CLYBL: variants seen among roughly 807,000 people sequenced by gnomAD.
CLYBL encodes citramalyl-CoA lyase.
CLYBL carries 31 observed loss-of-function variants against 38.9 expected under a neutral mutation model. The observed-to-expected ratio is 0.80, with a 90% confidence interval of 0.60 to 1.08. The LOEUF is 1.08. Among genes scored for constraint, CLYBL ranks in the 50% least tolerant of loss-of-function variants. CLYBL has a pLI of 0.00. For synonymous variants in CLYBL, 171 were observed against 158.6 expected (o/e 1.08, Z -0.59); for missense variants, 434 against 411.6 (o/e 1.05, Z -0.47).
chr13:99,684,737 T>C (rs1384348077), intron 1 of CLYBL, among the ~76,000 whole-genome samples: 1 of 152,174 alleles, frequency 6.6e-6, no homozygotes, highest in Non-Finnish European at 1.5e-5. Flanking sequence ...CCCTGTGAAA[T>C]AATAACAAGA....
chr13:99,719,660 C>T (rs2048366795), intron 1 of CLYBL, among the ~76,000 whole-genome samples: 1 of 151,920 alleles, frequency 6.6e-6, no homozygotes, highest in Admixed American at 6.6e-5. Flanking sequence ...GTGCCCGCCA[C>T]CACACCCAGC....
At chr13:99,743,395 A>T (rs1205418329) in intron 1 of CLYBL, among the ~76,000 whole-genome samples, 3 of 152,192 alleles carry the variant, frequency 2.0e-5, no homozygotes, top group Non-Finnish European at 4.4e-5. Flanking sequence ...GCGTATAAAG[A>T]AATACAATTA....
chr13:99,673,734 C>T (rs1178191639), intron 1 of CLYBL, among the ~76,000 whole-genome samples: 1 of 152,090 alleles, frequency 6.6e-6, no homozygotes, highest in African/African-American at 2.4e-5. Flanking sequence ...GAATGAGGAG[C>T]CATTGCAGAG....
At chr13:99,676,411 A>T (rs1459540453) in intron 1 of CLYBL, among the ~76,000 whole-genome samples, 1 of 147,662 alleles carries the variant, frequency 6.8e-6, no homozygotes, top group African/African-American at 2.5e-5. Flanking sequence ...ATTTGTTCTC[A>T]TGTCTTAGCC....
At chr13:99,783,575 G>A (rs2049709034) in intron 2 of CLYBL, among the ~76,000 whole-genome samples, 3 of 151,876 alleles carry the variant, frequency 2.0e-5, no homozygotes, top group Admixed American at 1.3e-4. Context: ...TCCTGCCTCA[G>A]CCTCCAGAGT....
intron 2 of CLYBL, among the ~76,000 whole-genome samples, chr13:99,815,116 G>A (rs1479921813): frequency 6.6e-6 from 1 of 152,158 alleles, no homozygotes; most frequent in African/African-American, 2.4e-5. Context: ...TCTGCCTCTA[G>A]GGGAGGCACT....
At chr13:99,683,784 A>C (rs1000380094) in intron 1 of CLYBL, among the ~76,000 whole-genome samples, 1 of 130,320 alleles carries the variant, frequency 7.7e-6, no homozygotes, top group African/African-American at 3.2e-5. Flanking sequence ...AATGAAGATA[A>C]AATGTAAAGC....
intron 2 of CLYBL, among the ~76,000 whole-genome samples, chr13:99,838,930 C>T (rs185856427): frequency 1.1e-4 from 17 of 152,326 alleles, no homozygotes; most frequent in South Asian, 2.1e-4. Flanking sequence ...TGAACCACGG[C>T]GCCTGGCCTA....
intron 2 of CLYBL, among the ~76,000 whole-genome samples, chr13:99,838,131 TAA>T (rs1157061446): frequency 6.6e-6 from 1 of 152,302 alleles, no homozygotes; most frequent in Non-Finnish European, 1.5e-5. Flanking sequence ...AGGTAAATAT[TAA>T]GTTTCAGCTA....
intron 1 of CLYBL, among the ~76,000 whole-genome samples, chr13:99,689,272 G>A (rs1044757122): frequency 2.0e-5 from 3 of 152,216 alleles, no homozygotes; most frequent in African/African-American, 7.2e-5. Context: ...AGAATGGAGA[G>A]GCATCACGCT....
chr13:99,758,262 G>A (rs1298573397), intron 1 of CLYBL, among the ~76,000 whole-genome samples: 1 of 152,160 alleles, frequency 6.6e-6, no homozygotes, highest in Non-Finnish European at 1.5e-5. Flanking sequence ...GTTAATTAAT[G>A]GCATCAGGTG....
At chr13:99,864,774 G>T in intron 4 of CLYBL, 44 bp from the exon 5 acceptor site, 4 of 1,336,274 alleles carry the variant, frequency 3.0e-6, no homozygotes, top group Non-Finnish European at 4.3e-6. Context: ...TCCCTCTGAC[G>T]CACGCGTTTC....
At chr13:99,634,445 G>C (rs1375846206) in intron 1 of CLYBL, among the ~76,000 whole-genome samples, 1 of 152,090 alleles carries the variant, frequency 6.6e-6, no homozygotes, top group Non-Finnish European at 1.5e-5. Context: ...TAATCAGATA[G>C]ATCCATCTGT....
chr13:99,748,517 G>A (rs2048897659), intron 1 of CLYBL, among the ~76,000 whole-genome samples: 1 of 122,940 alleles, frequency 8.1e-6, no homozygotes, highest in Non-Finnish European at 1.6e-5. Context: ...TCGGCTCACT[G>A]CAACCTCCGC....
chr13:99,750,824 G>A (rs906747650), intron 1 of CLYBL, among the ~76,000 whole-genome samples: 3 of 141,804 alleles, frequency 2.1e-5, no homozygotes, highest in East Asian at 1.9e-4. Context: ...ATATATAAAA[G>A]ATATATCTTT....
At chr13:99,613,517 C>T (rs929751221) in intron 1 of CLYBL, among the ~76,000 whole-genome samples, 5 of 152,020 alleles carry the variant, frequency 3.3e-5, no homozygotes, top group African/African-American at 1.2e-4. Flanking sequence ...CCGTGACAAC[C>T]ACTACTGTCC....
chr13:99,612,675 G>T (rs1192375113), intron 1 of CLYBL, among the ~76,000 whole-genome samples: 1 of 151,944 alleles, frequency 6.6e-6, no homozygotes. Context: ...GATGTGAGCC[G>T]CCACACCCAT....
intron 1 of CLYBL, among the ~76,000 whole-genome samples, chr13:99,672,202 CTT>C (rs75680397): frequency 1.1e-4 from 14 of 131,192 alleles, no homozygotes; most frequent in Admixed American, 7.7e-5. Context: ...TTTTTTTTTT[CTT>C]TTTTTTTTTT....
At chr13:99,774,090 A>C (rs2138801330) in intron 2 of CLYBL, among the ~76,000 whole-genome samples, 1 of 151,706 alleles carries the variant, frequency 6.6e-6, no homozygotes, top group African/African-American at 2.4e-5. Context: ...AAATTTAGCC[A>C]GGTGTGGCGG....
Sources: allele counts gnomAD v4.1 joint callset (sites outside exome capture counted in the v4.1 genomes callset), GRCh38; gene constraint gnomAD v4.1.1; transcripts MANE v1.5; gene names NCBI Gene and HGNC (gene_info 2026-07-23, HGNC 2026-07-21).